KIF2A: variants seen among roughly 807,000 people sequenced by gnomAD.
The protein encoded by KIF2A is kinesin family member 2A.
In KIF2A, 22 loss-of-function variants were observed where a neutral mutation model predicts 100.2. That is an observed-to-expected ratio of 0.22 (90% CI 0.16 to 0.31). The LOEUF is 0.31. KIF2A is among the 10% of genes least tolerant of loss of function. The pLI, the probability that KIF2A is intolerant of heterozygous loss-of-function variation, is 1.00. For missense variants in KIF2A, 495 were observed against 898.7 expected, an observed-to-expected ratio of 0.55 and a Z score of 5.74; for synonymous variants, 268 against 285.9, an observed-to-expected ratio of 0.94 and a Z score of 0.63.
chr5:62,348,543 G>A (rs1218010759), intron 3 of KIF2A, among the ~76,000 whole-genome samples: 4 of 152,154 alleles, frequency 2.6e-5, no homozygotes, highest in Middle Eastern at 3.2e-3. Flanking sequence ...TCTTTTGAAA[G>A]TATAATTCTG....
intron 4 of KIF2A, 25 bp from the exon 5 acceptor site, chr5:62,352,563 T>C: frequency 1.3e-6 from 2 of 1,501,648 alleles, no homozygotes; most frequent in Non-Finnish European, 1.8e-6. Flanking sequence ...ATCCTGAATT[T>C]AAAATTTTTT....
In KIF2A at chr5:62,352,097, G is replaced by A. The variant is rs373697329; in HGVS notation, c.335-491G>A. ...GAACCTGGGAGGCGGAGGTCACAGTGAGCCGAGATTGCACCACTGCACTCC... is the reference window on the plus strand; with the variant it reads ...GAACCTGGGAGGCGGAGGTCACAGTAAGCCGAGATTGCACCACTGCACTCC... On this transcript the variant is annotated intron_variant, in intron 4 of 20. Coordinates refer to ENST00000407818, the MANE Select transcript of KIF2A (RefSeq NM_001098511.3). 1.0e-4 allele frequency among the ~76,000 whole-genome samples: 15 copies of A among 149,568 alleles called. No individual in the cohort carries two copies. In the East Asian group the frequency reaches 2.9e-3, roughly 29 times the overall value.
chr5:62,366,290 C>A, intron 15 of KIF2A, 124 bp from the exon 16 acceptor site: 1 of 662,142 alleles, frequency 1.5e-6, no homozygotes. Context: ...GTTGAGATAT[C>A]ATTAATAAGT....
Position 62,306,509 on chromosome 5 carries a change from A to G in KIF2A, c.37A>G (p.Ile13Val). The change falls in exon 1 of 21, where the codon ATT becomes GTT. Residue 13 changes from isoleucine to valine, a missense_variant. This residue lies in a region of KIF2A where 26 missense variants were observed against 16.4 expected (regional missense o/e 1.59). Transcript: ENST00000407818. Reference protein sequence around the residue: ...TANFGKIQIGIYVEIKRSDGR... With the variant: ...TANFGKIQIGVYVEIKRSDGR... ...CAACTTCGGCAAGATCCAGATCGGGATTTACGTGGAGATCAAGCGCAGCGA... is the reference window on the plus strand; with the variant it reads ...CAACTTCGGCAAGATCCAGATCGGGGTTTACGTGGAGATCAAGCGCAGCGA... The G allele has an allele frequency of 1.3e-6, 2 of 1,544,476 alleles. No homozygotes were observed. Among genetic ancestry groups the G allele is most frequent in the South Asian group, 2.4e-5 (2 of 83,150 alleles).
chr5:62,309,392 T>A (rs1043933785), intron 1 of KIF2A, among the ~76,000 whole-genome samples: 1 of 152,194 alleles, frequency 6.6e-6, no homozygotes, highest in Non-Finnish European at 1.5e-5. Flanking sequence ...ATGGAGTTGG[T>A]GGAAGGCAGG....
intron 1 of KIF2A, among the ~76,000 whole-genome samples, chr5:62,317,008 A>G (rs1745847832): frequency 6.6e-6 from 1 of 151,594 alleles, no homozygotes; most frequent in Non-Finnish European, 1.5e-5. Context: ...TCAATGAGCT[A>G]TAGTATAGTA....
At chr5:62,370,167 A>G (rs1741255558) in intron 16 of KIF2A, among the ~76,000 whole-genome samples, 1 of 152,216 alleles carries the variant, frequency 6.6e-6, no homozygotes, top group African/African-American at 2.4e-5. Context: ...TCATATCCTT[A>G]TATTAGAATC....
At chr5:62,367,455 C>T (rs933139132) in intron 16 of KIF2A, among the ~76,000 whole-genome samples, 8 of 152,098 alleles carry the variant, frequency 5.3e-5, no homozygotes, top group Middle Eastern at 3.4e-3. Context: ...TTAGTAGAGG[C>T]AGGGTTTCAC....
intron 1 of KIF2A, among the ~76,000 whole-genome samples, chr5:62,327,735 A>G (rs1275249153): frequency 6.6e-6 from 1 of 152,134 alleles, no homozygotes; most frequent in Non-Finnish European, 1.5e-5. Context: ...GTGATCATTT[A>G]TTTTCCTAAC....
intron 1 of KIF2A, among the ~76,000 whole-genome samples, chr5:62,306,766 G>A (rs912763275): frequency 1.3e-5 from 2 of 152,270 alleles, no homozygotes; most frequent in African/African-American, 2.4e-5. Context: ...GAAGCCGGGT[G>A]GGGAAAGGGC....
chr5:62,317,291 G>T (rs1477392835), intron 1 of KIF2A, among the ~76,000 whole-genome samples: 1 of 152,084 alleles, frequency 6.6e-6, no homozygotes, highest in African/African-American at 2.4e-5. Flanking sequence ...CAGGTCATCC[G>T]CCTGTCTTGG....
At chr5:62,377,105 T>C (rs906729346) in intron 18 of KIF2A, among the ~76,000 whole-genome samples, 3 of 152,238 alleles carry the variant, frequency 2.0e-5, no homozygotes, top group Non-Finnish European at 4.4e-5. Context: ...AGTAAAATTG[T>C]GAATTGTCCA....
chr5:62,358,837 A>ATTTTTGAAC (rs1362323208), intron 9 of KIF2A, among the ~76,000 whole-genome samples: 1 of 151,938 alleles, frequency 6.6e-6, no homozygotes, highest in Admixed American at 6.6e-5. Flanking sequence ...CACCCAGCTA[A>ATTTTTGAAC]TTTTTGTACT....
At chr5:62,383,163 G>A (rs977763256) in intron 20 of KIF2A, among the ~76,000 whole-genome samples, 12 of 149,530 alleles carry the variant, frequency 8.0e-5, no homozygotes, top group Admixed American at 2.0e-4. Flanking sequence ...CTGACCTCAC[G>A]TGATGCACCC....
intron 16 of KIF2A, among the ~76,000 whole-genome samples, chr5:62,366,837 A>C (rs1741095936): frequency 6.6e-6 from 1 of 152,128 alleles, no homozygotes; most frequent in Admixed American, 6.5e-5. Flanking sequence ...TCTCAAAAAA[A>C]AAAAAAAAAT....
In KIF2A at chr5:62,390,547, C is replaced by T. The variant is rs1200989566; in HGVS notation, c.*4978C>T. Among the ~76,000 whole-genome samples, 3 of 152,122 alleles carry T rather than the reference C, an allele frequency of 2.0e-5. No homozygotes were observed. The highest frequency in any genetic ancestry group is 4.4e-5 in the Non-Finnish European group (3 of 68,024). On this transcript the variant is annotated 3_prime_UTR_variant, in exon 21 of 21. Transcript: ENST00000407818. ...TTATGGACTATTTTGGAGGGATAAG[C>T]TATTAAGACTAAGACTATGAATGAG...
chr5:62,338,488 C>T (rs1747096636), intron 1 of KIF2A, among the ~76,000 whole-genome samples: 1 of 152,092 alleles, frequency 6.6e-6, no homozygotes, highest in Non-Finnish European at 1.5e-5. Flanking sequence ...TAGAGTTCCA[C>T]CATGTTGGCC....
chr5:62,308,875 A>C (rs1745433737), intron 1 of KIF2A, among the ~76,000 whole-genome samples: 4 of 151,272 alleles, frequency 2.6e-5, no homozygotes, highest in Non-Finnish European at 1.5e-5. Flanking sequence ...AAATTGTATT[A>C]GAGATTTTTG....
intron 20 of KIF2A, among the ~76,000 whole-genome samples, chr5:62,385,015 G>A (rs545803617): frequency 6.6e-6 from 1 of 152,094 alleles, no homozygotes; most frequent in African/African-American, 2.4e-5. Context: ...GGTGGTGCAC[G>A]CCTGTAATCC....
Sources: allele counts gnomAD v4.1 joint callset (sites outside exome capture counted in the v4.1 genomes callset), GRCh38; gene constraint gnomAD v4.1.1; regional missense constraint gnomAD v4.1.1; transcripts MANE v1.5; gene names NCBI Gene and HGNC (gene_info 2026-07-23, HGNC 2026-07-21).